Variants in MACROD2 observed in about 807,000 individuals in gnomAD.
MACROD2 encodes the protein mono-ADP ribosylhydrolase 2.
In MACROD2, 36 loss-of-function variants were observed where a neutral mutation model predicts 70.4. The ratio of observed to expected loss-of-function variants is 0.51; its 90% CI spans 0.39 to 0.68. The LOEUF (loss-of-function observed/expected upper bound fraction) is 0.68. MACROD2 is among the 30% of genes least tolerant of loss of function. The probability of loss-of-function intolerance (pLI) is 0.00; values close to 1 mark genes in which losing one functional copy is unlikely to be tolerated. For missense variants in MACROD2, 496 were observed against 538.4 expected (o/e 0.92, Z 0.78); for synonymous variants, 172 against 178.8 (o/e 0.96, Z 0.30).
chr20:15,451,442 A>AAG (rs1221680856), intron 7 of MACROD2, among the ~76,000 whole-genome samples: 1 of 150,054 alleles, frequency 6.7e-6, no homozygotes, highest in Admixed American at 6.6e-5. Flanking sequence ...AAAAAAAAAA[A>AAG]AGAGTCACCT....
At chr20:15,093,783 T>C (rs1393261225) in intron 5 of MACROD2, among the ~76,000 whole-genome samples, 1 of 152,144 alleles carries the variant, frequency 6.6e-6, no homozygotes, top group African/African-American at 2.4e-5. Flanking sequence ...ACAGAACCCC[T>C]TTTGTGTGGG....
At chr20:14,289,448 G>A (rs1466516830) in intron 3 of MACROD2, among the ~76,000 whole-genome samples, 1 of 152,202 alleles carries the variant, frequency 6.6e-6, no homozygotes, top group Non-Finnish European at 1.5e-5. Context: ...CTGCCCTTCA[G>A]TGTTCCTTTC....
rs1367139569 is a variant in MACROD2 at position 15,021,137 on chromosome 20, C to CCT, written c.419-208803_419-208802insCT. On this transcript the variant is annotated intron_variant, in intron 5 of 17. Transcript: ENST00000684519. ...GTGTATACACGTGTGTATACACATA[C>CCT]GTGTGTGTATACACACACCTGTGTG... Among the ~76,000 whole-genome samples the CCT allele has an allele frequency of 3.5e-4, 32 of 90,912 alleles. 1 individual carries two copies. Among genetic ancestry groups the CCT allele is most frequent in the Admixed American group, 3.2e-3 (30 of 9,316 alleles). 59.6% of individuals were successfully genotyped at this position (90,912 alleles called of 152,430 possible).
chr20:14,218,478 C>CT (rs1215397967), intron 3 of MACROD2, among the ~76,000 whole-genome samples: 1 of 152,134 alleles, frequency 6.6e-6, no homozygotes, highest in Non-Finnish European at 1.5e-5. Context: ...TTCTGTATCT[C>CT]TTAAGTGGAG....
At chr20:16,015,121 C>T (rs1459759301) in intron 15 of MACROD2, among the ~76,000 whole-genome samples, 1 of 152,122 alleles carries the variant, frequency 6.6e-6, no homozygotes, top group African/African-American at 2.4e-5. Context: ...AAGGAATCAC[C>T]TGTTTATATG....
intron 5 of MACROD2, among the ~76,000 whole-genome samples, chr20:15,167,645 A>T (rs1568613152): frequency 6.6e-6 from 1 of 152,168 alleles, no homozygotes; most frequent in Non-Finnish European, 1.5e-5. Context: ...GTCAGAGCAG[A>T]CCCTTTAGGC....
rs568144375 is a variant in MACROD2 at position 15,506,794 on chromosome 20, A to G, written c.645+6947A>G. Among the ~76,000 whole-genome samples the G allele has an allele frequency of 2.0e-5, 3 of 152,318 alleles. No homozygotes were observed. In the South Asian group the frequency reaches 6.2e-4, roughly 32 times the overall value. On this transcript the variant is annotated intron_variant, in intron 8 of 17. Coordinates refer to ENST00000684519, the MANE Select transcript of MACROD2 (RefSeq NM_001351661.2). Reference sequence around the variant, plus strand: ...GCATAATGTGCCATCCTCCAATTCTATGCAATGCAGGGGTGTGGTTAACAT... The same window carrying G: ...GCATAATGTGCCATCCTCCAATTCTGTGCAATGCAGGGGTGTGGTTAACAT...
In MACROD2 at chr20:14,720,536, C is replaced by CTTTTTTTTTTTTTTTTTTTTTTTT. The variant is rs753673265; in HGVS notation, c.418+35588_418+35611dup. Among the ~76,000 whole-genome samples, 7 of 35,946 alleles carry CTTTTTTTTTTTTTTTTTTTTTTTT rather than the reference C, an allele frequency of 1.9e-4. 2 individuals carry two copies. Among genetic ancestry groups the CTTTTTTTTTTTTTTTTTTTTTTTT allele is most frequent in the African/African-American group, 5.4e-4 (5 of 9,260 alleles). The allele number at this position is 35,946 out of a possible 152,430, so 23.6% of individuals were successfully genotyped here. On this transcript the variant is annotated intron_variant, in intron 5 of 17. Coordinates refer to ENST00000684519, the MANE Select transcript of MACROD2 (RefSeq NM_001351661.2). ...GTTTCATTTCCCAGCTGCCCCACAA[C>CTTTTTTTTTTTTTTTTTTTTTTTT]TTTTTTTTTTTTTTTTTTTTTTTTT...
At chr20:14,702,233 A>C (rs1288588350) in intron 5 of MACROD2, among the ~76,000 whole-genome samples, 1 of 152,018 alleles carries the variant, frequency 6.6e-6, no homozygotes, top group African/African-American at 2.4e-5. Context: ...CCCACCAAGA[A>C]TTTTAAACAT....
chr20:14,912,162 G>C (rs1329016405), intron 5 of MACROD2, among the ~76,000 whole-genome samples: 2 of 152,088 alleles, frequency 1.3e-5, no homozygotes, highest in Non-Finnish European at 2.9e-5. Flanking sequence ...TCCTGCACTT[G>C]TCTGTCTGTC....
chr20:15,762,013 A>G (rs2051443817), intron 8 of MACROD2, among the ~76,000 whole-genome samples: 1 of 152,180 alleles, frequency 6.6e-6, no homozygotes, highest in Non-Finnish European at 1.5e-5. Context: ...TTCTTTGGGT[A>G]ATTTTTTGGG....
chr20:15,569,873 T>C (rs961745185), intron 8 of MACROD2, among the ~76,000 whole-genome samples: 1 of 152,168 alleles, frequency 6.6e-6, no homozygotes, highest in African/African-American at 2.4e-5. Context: ...CACATTTTAT[T>C]TATTCGTTCA....
chr20:15,190,476 C>T (rs1453958865), intron 5 of MACROD2, among the ~76,000 whole-genome samples: 4 of 152,238 alleles, frequency 2.6e-5, no homozygotes, highest in African/African-American at 9.6e-5. Context: ...ATCGTGCATT[C>T]GTTTAGAAAA....
At chr20:15,345,719 G>A (rs1787670039) in intron 6 of MACROD2, among the ~76,000 whole-genome samples, 1 of 152,166 alleles carries the variant, frequency 6.6e-6, no homozygotes, top group Admixed American at 6.6e-5. Context: ...AATTGAATTA[G>A]CTACACAGAG....
chr20:14,965,453 CTTTTTTTTTTTT>C (rs532870999), intron 5 of MACROD2, among the ~76,000 whole-genome samples: 7 of 68,052 alleles, frequency 1.0e-4, no homozygotes, highest in East Asian at 9.7e-4. Context: ...ATTTTTTTTT[CTTTTTTTTTTTT>C]TTTTTTTTTT....
intron 5 of MACROD2, among the ~76,000 whole-genome samples, chr20:15,226,048 A>G (rs2076903307): frequency 6.6e-6 from 1 of 152,216 alleles, no homozygotes; most frequent in Non-Finnish European, 1.5e-5. Flanking sequence ...CTGGACAAAA[A>G]TGAATTAAAC....
chr20:15,251,309 G>A (rs530746581), intron 6 of MACROD2, among the ~76,000 whole-genome samples: 14 of 152,282 alleles, frequency 9.2e-5, no homozygotes, highest in African/African-American at 3.4e-4. Flanking sequence ...ATAATGCCAT[G>A]TCTTTGTTCA....
At chr20:16,045,579 G>T (rs1322484522) in intron 17 of MACROD2, among the ~76,000 whole-genome samples, 1 of 152,054 alleles carries the variant, frequency 6.6e-6, no homozygotes, top group Non-Finnish European at 1.5e-5. Context: ...TGCAGCAAGG[G>T]TTCAAGGGGG....
At chr20:15,226,083 CTGA>C (rs1283325524) in intron 5 of MACROD2, among the ~76,000 whole-genome samples, 1 of 152,064 alleles carries the variant, frequency 6.6e-6, no homozygotes, top group Non-Finnish European at 1.5e-5. Flanking sequence ...AGCTCAGTTC[CTGA>C]TAGACGTGTA....
Sources: gnomAD v4.1 joint callset for allele counts (sites outside exome capture counted in the v4.1 genomes callset) on GRCh38, gnomAD v4.1.1 for gene constraint, MANE v1.5 for transcripts, NCBI Gene and HGNC (gene_info 2026-07-23, HGNC 2026-07-21) for gene names.